ADCY9: variants seen among roughly 807,000 people sequenced by gnomAD.
ADCY9 encodes adenylate cyclase 9, also known as adenylate cyclase type 9.
ADCY9 carries 50 observed loss-of-function variants against 101.5 expected under a neutral mutation model. The ratio of observed to expected loss-of-function variants is 0.49; its 90% CI spans 0.39 to 0.62. ADCY9 has a LOEUF of 0.62. Ranked by LOEUF, ADCY9 falls within the 20% of genes least tolerant of loss-of-function variation. The pLI is 0.00. For missense variants in ADCY9, 1,662 were observed against 1,800.4 expected (o/e 0.92, Z 1.39); for synonymous variants, 905 against 769.3 (o/e 1.18, Z -2.92).
In ADCY9 at chr16:4,006,969, G is replaced by A. The variant is rs182960630; in HGVS notation, c.1884+399C>T. Among the ~76,000 whole-genome samples the A allele has an allele frequency of 2.2e-3, 329 of 152,260 alleles. 1 individual carries two copies. The highest frequency in any genetic ancestry group is 0.014 in the Middle Eastern group (4 of 294). ...CATAAAATAGTGGATTTCAAGAGAC[G>A]TAGAAGTATTTGAGAAAGTGGTCTC... On this transcript the variant is annotated intron_variant, in intron 3 of 10. Transcript: ENST00000294016.
chr16:4,011,745 C>G (rs572480035), intron 2 of ADCY9, among the ~76,000 whole-genome samples: 1 of 152,294 alleles, frequency 6.6e-6, no homozygotes, highest in South Asian at 2.1e-4. Context: ...TCAGTTTCCT[C>G]ATCTCTAAGG....
intron 5 of ADCY9, among the ~76,000 whole-genome samples, chr16:3,956,461 G>A (rs1349528398): frequency 7.1e-6 from 1 of 141,484 alleles, no homozygotes; most frequent in African/African-American, 2.6e-5. Flanking sequence ...TTAAACAGCA[G>A]GAAGGACAAG....
At chr16:3,971,637 A>G (rs1254829569) in intron 10 of ADCY9, among the ~76,000 whole-genome samples, 1 of 152,160 alleles carries the variant, frequency 6.6e-6, no homozygotes, top group East Asian at 1.9e-4. Flanking sequence ...TTGTAAATAG[A>G]GCAGGAAGAG....
chr16:3,965,733 T>C lies in ADCY9; in HGVS notation c.*42A>G. On this transcript the variant is annotated 3_prime_UTR_variant, in exon 11 of 11. Coordinates refer to ENST00000294016, the MANE Select transcript of ADCY9 (RefSeq NM_001116.4). ...ACAGCCAAATACAAATATTACTGTG[T>C]TTCGACAAACAGAGCACCTCGGGCA... 1 of 1,559,052 alleles carries C rather than the reference T, an allele frequency of 6.4e-7. No homozygotes were observed. The highest frequency in any genetic ancestry group is 8.7e-7 in the Non-Finnish European group (1 of 1,146,256).
intron 2 of ADCY9, among the ~76,000 whole-genome samples, chr16:4,113,361 G>C (rs1262737526): frequency 6.6e-6 from 1 of 152,148 alleles, no homozygotes; most frequent in East Asian, 1.9e-4. Flanking sequence ...AGAAACATTT[G>C]GATGGGACTT....
chr16:3,983,828 C>T (rs998075590), intron 6 of ADCY9: 16 of 194,184 alleles, frequency 8.2e-5, no homozygotes, highest in Non-Finnish European at 1.2e-4. Context: ...AGGAGGATGA[C>T]GCAGGAGGAT....
chr16:4,040,083 T>C (rs561227388), intron 2 of ADCY9, among the ~76,000 whole-genome samples: 14 of 152,200 alleles, frequency 9.2e-5, no homozygotes, highest in African/African-American at 3.4e-4. Flanking sequence ...AGAAGACCAT[T>C]GAGCTTAACA....
downstream of ADCY9, among the ~76,000 whole-genome samples, chr16:3,957,802 C>T (rs1182189375): frequency 1.3e-5 from 2 of 152,066 alleles, no homozygotes; most frequent in African/African-American, 4.8e-5. Context: ...GGTGTCAGGG[C>T]GGGGCGCGGG....
Position 4,115,619 on chromosome 16 carries a change from C to G in ADCY9, c.-44+71G>C. 1.3e-6 allele frequency: 1 copy of G among 755,238 alleles called. No individual in the cohort carries two copies. Among genetic ancestry groups the G allele is most frequent in the South Asian group, 2.1e-5 (1 of 47,246 alleles). The allele number at this position is 755,238 out of a possible 1,614,324, so 46.8% of individuals were successfully genotyped here. A position where few individuals can be genotyped will look rare whatever the true frequency, so the allele number is the denominator to read the frequency against. On this transcript the variant is annotated intron_variant, in intron 1 of 10. Transcript: ENST00000294016. The surrounding 1 kb of genome is among the most constrained non-coding windows in gnomAD (Gnocchi z 6.2). ...AGGCACCATCTGTTCCTGTGGTTCC[C>G]GGCTCAGCGGTGCTCCCACCGCCCC...
chr16:3,995,689 A>G lies in ADCY9; in HGVS notation c.1885-2179T>C, dbSNP rs1331713124. Among the ~76,000 whole-genome samples, 3 of 151,900 alleles carry G rather than the reference A, an allele frequency of 2.0e-5. No homozygotes were observed. The East Asian group carries it at 5.8e-4, about 29-fold the overall frequency. On this transcript the variant is annotated intron_variant, in intron 3 of 10. Coordinates refer to ENST00000294016, the MANE Select transcript of ADCY9 (RefSeq NM_001116.4). ...AATAAATTATGGGAGGCCAGATATT[A>G]TTTTGGAAATTTAAAGTAAGTGTCA...
intron 2 of ADCY9, among the ~76,000 whole-genome samples, chr16:4,016,456 G>T (rs1358792499): frequency 6.6e-6 from 1 of 152,180 alleles, no homozygotes; most frequent in African/African-American, 2.4e-5. Context: ...TCGGCAGAGG[G>T]AGGGGGTCAG....
chr16:4,033,066 A>C (rs1237556190), intron 2 of ADCY9: 1 of 152,208 alleles, frequency 6.6e-6, no homozygotes, highest in East Asian at 1.9e-4. Context: ...GTGCAAACAC[A>C]CCTAACTTAG....
At chr16:4,076,297 A>G (rs562881354) in intron 2 of ADCY9, among the ~76,000 whole-genome samples, 1 of 152,358 alleles carries the variant, frequency 6.6e-6, no homozygotes, top group Admixed American at 6.5e-5. Flanking sequence ...AAAAGCTAAC[A>G]AGAGCCTAAA....
chr16:4,009,325 G>A (rs906050867), intron 2 of ADCY9, among the ~76,000 whole-genome samples: 4 of 152,154 alleles, frequency 2.6e-5, no homozygotes, highest in South Asian at 2.1e-4. Context: ...AGGCTGGAGC[G>A]CAGTGGTGCA....
At chr16:4,087,248 A>G (rs2056944763) in intron 2 of ADCY9, among the ~76,000 whole-genome samples, 1 of 151,828 alleles carries the variant, frequency 6.6e-6, no homozygotes, top group African/African-American at 2.4e-5. Flanking sequence ...TTTAAGAACA[A>G]GGAAGGCCGG....
At chr16:3,991,834 G>A (rs1407843300) in intron 5 of ADCY9, among the ~76,000 whole-genome samples, 1 of 151,538 alleles carries the variant, frequency 6.6e-6, no homozygotes, top group Non-Finnish European at 1.5e-5. Context: ...CTCTGGGAGG[G>A]TGGGGTAGGT....
intron 7 of ADCY9, among the ~76,000 whole-genome samples, chr16:3,980,107 C>G (rs2531985): frequency 0.95 from 145,061 of 152,356 alleles, 69,423 homozygotes; most frequent in East Asian, 1. Flanking sequence ...ATGTTCACCT[C>G]TAGCTGGCGG....
At chr16:4,052,726 C>G (rs2056709864) in intron 2 of ADCY9, among the ~76,000 whole-genome samples, 1 of 152,106 alleles carries the variant, frequency 6.6e-6, no homozygotes, top group African/African-American at 2.4e-5. Context: ...GTTTGAGGTA[C>G]TTTGGTACAG....
intron 2 of ADCY9, among the ~76,000 whole-genome samples, chr16:4,086,925 G>A (rs2056942572): frequency 6.6e-6 from 1 of 152,070 alleles, no homozygotes; most frequent in South Asian, 2.1e-4. Context: ...CTCCCAGAGT[G>A]CTGGAATTAC....
Sources: gnomAD v4.1 joint callset for allele counts (sites outside exome capture counted in the v4.1 genomes callset) on GRCh38, gnomAD v4.1.1 for gene constraint, Gnocchi (gnomAD v3.1) non-coding constraint, MANE v1.5 for transcripts, NCBI Gene and HGNC (gene_info 2026-07-23, HGNC 2026-07-21) for gene names.